The following NPAS3 variants were observed in gnomAD, a reference collection of about 807,000 sequenced individuals.
The protein encoded by NPAS3 is neuronal PAS domain-containing protein 3.
Under a neutral mutation model 73.1 loss-of-function variants are expected in NPAS3, and 14 were observed. The observed-to-expected ratio is 0.19, with a 90% CI of 0.13 to 0.30. The LOEUF (loss-of-function observed/expected upper bound fraction) is 0.30. Among genes scored for constraint, NPAS3 ranks in the 10% least tolerant of loss-of-function variants. The pLI is 1.00. For missense variants in NPAS3, 1,096 were observed against 1,250.0 expected (o/e 0.88, Z 1.86); for synonymous variants, 620 against 541.5 (o/e 1.14, Z -2.01).
chr14:33,474,793 G>A (rs1470847414), intron 4 of NPAS3, among the ~76,000 whole-genome samples: 1 of 152,146 alleles, frequency 6.6e-6, no homozygotes, highest in East Asian at 1.9e-4. Flanking sequence ...GGGTAACTGT[G>A]ATGAATTGTG....
intron 1 of NPAS3, among the ~76,000 whole-genome samples, chr14:32,983,693 AAC>A (rs1478255503): frequency 6.6e-6 from 1 of 152,052 alleles, no homozygotes; most frequent in Non-Finnish European, 1.5e-5. Context: ...TGCAATTTAT[AAC>A]ACATATTTAA....
exon 11 of NPAS3, chr14:33,797,502 C>A (rs1447208761): frequency 6.2e-7 from 1 of 1,614,152 alleles, no homozygotes. Flanking sequence ...CACAGCTCCC[C>A]CATCTGCCGG....
chr14:33,442,848 G>T (rs527311715), intron 4 of NPAS3, among the ~76,000 whole-genome samples: 1 of 152,168 alleles, frequency 6.6e-6, no homozygotes, highest in Admixed American at 6.5e-5. Flanking sequence ...ATTTGTTAGC[G>T]TCAGTTAAGA....
chr14:33,224,615 T>C (rs1409964660), intron 3 of NPAS3, among the ~76,000 whole-genome samples: 2 of 152,162 alleles, frequency 1.3e-5, no homozygotes, highest in East Asian at 1.9e-4. Flanking sequence ...TGGGCCTCTG[T>C]GATCCTAGTT....
chr14:33,582,174 T>A (rs1178620563), intron 5 of NPAS3: 3 of 152,228 alleles, frequency 2.0e-5, no homozygotes, highest in Non-Finnish European at 4.4e-5. Flanking sequence ...ATGGTACAAA[T>A]TGACCTTCTC....
Position 33,404,527 on chromosome 14 carries a change from T to C in NPAS3, c.468+37259T>C, listed in dbSNP as rs373885444. ...TAGATCTTACAGCTAATATTTGTTT[T>C]ATTTTAGACAAATGATACCAAGTAT... On this transcript the variant is annotated intron_variant, in intron 4 of 11. Coordinates refer to ENST00000356141, the Ensembl canonical transcript of NPAS3. Among the ~76,000 whole-genome samples, 46 of 152,236 alleles carry C rather than the reference T, an allele frequency of 3.0e-4. 1 individual carries two copies. In the South Asian group the frequency reaches 9.3e-3, roughly 31 times the overall value.
chr14:32,940,916 CAG>C (rs1247467781), intron 1 of NPAS3, among the ~76,000 whole-genome samples: 1 of 152,142 alleles, frequency 6.6e-6, no homozygotes. Context: ...CATCATATAT[CAG>C]AGAGTAAATC....
At chr14:32,956,069 GT>G (rs538864200) in intron 1 of NPAS3, among the ~76,000 whole-genome samples, 1 of 150,854 alleles carries the variant, frequency 6.6e-6, no homozygotes, top group East Asian at 1.9e-4. Context: ...ACCATTGATG[GT>G]TTTTTTTTAA....
intron 1 of NPAS3, among the ~76,000 whole-genome samples, chr14:32,950,924 C>T (rs955606859): frequency 1.3e-5 from 2 of 152,122 alleles, no homozygotes; most frequent in African/African-American, 4.8e-5. Flanking sequence ...CAAAAGGTGT[C>T]AATCTTTGTG....
chr14:33,298,841 A>G (rs553997729), intron 3 of NPAS3, among the ~76,000 whole-genome samples: 1 of 152,322 alleles, frequency 6.6e-6, no homozygotes, highest in Non-Finnish European at 1.5e-5. Context: ...TGGAATTTGA[A>G]TCATTAGGAA....
chr14:33,155,399 GGGGGTGAGGAGGAACTGGGTA>G (rs1260360534), intron 2 of NPAS3, among the ~76,000 whole-genome samples: 1 of 152,082 alleles, frequency 6.6e-6, no homozygotes, highest in Non-Finnish European at 1.5e-5. Flanking sequence ...GAGGATTTTT[GGGGGTGAGGAGGAACTGGGTA>G]TCTCTCTGTT....
chr14:33,558,010 T>A (rs1258576496), intron 4 of NPAS3, among the ~76,000 whole-genome samples: 2 of 152,144 alleles, frequency 1.3e-5, no homozygotes, highest in African/African-American at 4.8e-5. Context: ...TATAATTTCA[T>A]ATAGTACTTG....
chr14:33,679,280 A>AAAAG (rs2140351147), intron 6 of NPAS3, among the ~76,000 whole-genome samples: 1 of 152,348 alleles, frequency 6.6e-6, no homozygotes, highest in African/African-American at 2.4e-5. Flanking sequence ...TCTGGGGCTT[A>AAAAG]AAAGAGCAAT....
upstream of NPAS3, among the ~76,000 whole-genome samples, chr14:32,935,886 CTATGAAAGGTAAACT>C (rs1234075792): frequency 6.6e-5 from 10 of 152,030 alleles, no homozygotes; most frequent in African/African-American, 2.2e-4. Context: ...TAACAATGTA[CTATGAAAGGTAAACT>C]CCCCATTTGT....
chr14:33,226,963 A>G (rs939192145), intron 3 of NPAS3, among the ~76,000 whole-genome samples: 1 of 152,216 alleles, frequency 6.6e-6, no homozygotes, highest in Non-Finnish European at 1.5e-5. Flanking sequence ...GATGAATACT[A>G]TCCAGGTTTT....
chr14:32,946,120 T>C (rs996551294), intron 1 of NPAS3, among the ~76,000 whole-genome samples: 1 of 152,210 alleles, frequency 6.6e-6, no homozygotes, highest in African/African-American at 2.4e-5. Flanking sequence ...CATTGTCTTT[T>C]GAAATTTGTA....
chr14:33,562,712 C>CA (rs2055709766), intron 5 of NPAS3, among the ~76,000 whole-genome samples: 1 of 150,634 alleles, frequency 6.6e-6, no homozygotes, highest in South Asian at 2.1e-4. Flanking sequence ...GAGGGAAAAA[C>CA]AAAAAATCTA....
chr14:33,589,148 G>C (rs4982097), intron 5 of NPAS3, among the ~76,000 whole-genome samples: 58,559 of 151,992 alleles, frequency 0.39, 12,434 homozygotes, highest in East Asian at 0.65. Context: ...TTTTGAGACT[G>C]AATGTCAGGC....
At chr14:33,377,132 G>C (rs922991400) in intron 4 of NPAS3, among the ~76,000 whole-genome samples, 2 of 152,096 alleles carry the variant, frequency 1.3e-5, no homozygotes, top group African/African-American at 4.8e-5. Context: ...GTTTAGTTCA[G>C]AGTAAAAAAT....
Sources: allele counts gnomAD v4.1 joint callset (sites outside exome capture counted in the v4.1 genomes callset), GRCh38; gene constraint gnomAD v4.1.1; transcripts MANE v1.5; gene names NCBI Gene and HGNC (gene_info 2026-07-23, HGNC 2026-07-21).